The following MYO3A variants were observed in gnomAD, a reference collection of about 807,000 sequenced individuals.
MYO3A encodes the protein myosin IIIA, also known as myosin-IIIa.
MYO3A carries 180 observed loss-of-function variants against 192.7 expected under a neutral mutation model. The observed-to-expected ratio is 0.93, with a 90% CI of 0.83 to 1.06. MYO3A has a LOEUF of 1.06. Ranked by LOEUF, MYO3A falls within the 50% of genes least tolerant of loss-of-function variation. The pLI is 0.00. For synonymous variants in MYO3A, 628 were observed against 645.3 expected (o/e 0.97, Z 0.41); for missense variants, 1,896 against 1,905.0 (o/e 1.00, Z 0.09).
chr10:26,023,876 A>G (rs771712291), intron 8 of MYO3A, 146 bp from the exon 9 acceptor site: 1 of 764,672 alleles, frequency 1.3e-6, no homozygotes, highest in Non-Finnish European at 2.3e-6. Context: ...ATGAGTAATG[A>G]TTTATCTGTC....
chr10:26,091,826 C>T (rs948171504), intron 15 of MYO3A, among the ~76,000 whole-genome samples: 3 of 152,226 alleles, frequency 2.0e-5, no homozygotes, highest in African/African-American at 7.2e-5. Flanking sequence ...TTCTGTCTGA[C>T]TCCCAAGCCC....
At chr10:26,110,292 C>G (rs1458840491) in intron 17 of MYO3A, among the ~76,000 whole-genome samples, 2 of 152,098 alleles carry the variant, frequency 1.3e-5, no homozygotes, top group Non-Finnish European at 2.9e-5. Context: ...GTCTCTAGGT[C>G]AGAAAGGAGA....
chr10:26,192,395 T>C (rs1239078850), intron 31 of MYO3A, among the ~76,000 whole-genome samples: 2 of 152,162 alleles, frequency 1.3e-5, no homozygotes, highest in Non-Finnish European at 2.9e-5. Flanking sequence ...TTTGGGGCCA[T>C]AACATATGAG....
chr10:26,004,886 A>G (rs964841623), intron 6 of MYO3A, among the ~76,000 whole-genome samples: 1 of 152,214 alleles, frequency 6.6e-6, no homozygotes, highest in Non-Finnish European at 1.5e-5. Context: ...TTTTCCTTAC[A>G]GAAGAATGCT....
At chr10:26,088,902 T>G (rs1836507503) in intron 15 of MYO3A, among the ~76,000 whole-genome samples, 1 of 152,228 alleles carries the variant, frequency 6.6e-6, no homozygotes, top group African/African-American at 2.4e-5. Context: ...ATACTCTTCA[T>G]AATGCTTTGA....
intron 6 of MYO3A, among the ~76,000 whole-genome samples, chr10:25,998,133 T>C (rs1840569139): frequency 1.3e-5 from 2 of 152,162 alleles, no homozygotes; most frequent in African/African-American, 4.8e-5. Flanking sequence ...GAAATATAGG[T>C]GGACAGACAG....
At chr10:26,044,478 G>C (rs1843527156) in intron 10 of MYO3A, among the ~76,000 whole-genome samples, 1 of 152,218 alleles carries the variant, frequency 6.6e-6, no homozygotes, top group Admixed American at 6.5e-5. Context: ...GATTCCCCCT[G>C]GCTAGGGCTG....
intron 17 of MYO3A, among the ~76,000 whole-genome samples, chr10:26,105,112 G>T (rs1312236095): frequency 6.6e-6 from 1 of 152,052 alleles, no homozygotes; most frequent in East Asian, 1.9e-4. Flanking sequence ...CAGCCGTTCA[G>T]CCATGACTGG....
chr10:25,972,856 C>T (rs186015700), intron 4 of MYO3A, among the ~76,000 whole-genome samples: 3 of 152,226 alleles, frequency 2.0e-5, no homozygotes, highest in African/African-American at 7.2e-5. Context: ...CTGTTGTTTC[C>T]AGCAGTGTCC....
intron 6 of MYO3A, among the ~76,000 whole-genome samples, chr10:26,006,853 A>C (rs1841251207): frequency 6.6e-6 from 1 of 151,682 alleles, no homozygotes; most frequent in Admixed American, 6.6e-5. Context: ...TGAATAGAAA[A>C]AGAGGGAATC....
chr10:25,993,347 A>G (rs1008649403), intron 4 of MYO3A, among the ~76,000 whole-genome samples: 11 of 152,068 alleles, frequency 7.2e-5, no homozygotes, highest in Admixed American at 3.3e-4. Context: ...TGTGGGATTG[A>G]TGGTGATATC....
chr10:26,042,451 C>T (rs186803607), intron 10 of MYO3A, among the ~76,000 whole-genome samples: 101 of 152,076 alleles, frequency 6.6e-4, no homozygotes, highest in Admixed American at 1.3e-3. Flanking sequence ...TACATTTTTC[C>T]CTTTTGGGGG....
intron 32 of MYO3A, among the ~76,000 whole-genome samples, chr10:26,194,308 T>G (rs1273238927): frequency 6.6e-6 from 1 of 152,154 alleles, no homozygotes; most frequent in Non-Finnish European, 1.5e-5. Context: ...AAGTCCTGAT[T>G]CCTTCCAAGG....
At position 26,038,285 on chromosome 10, in the gene MYO3A, G is replaced by A. The variant is rs141234907; in HGVS notation, c.953+11753G>A. ...GGGATTGCAATTAAATCTGTAGATT[G>A]CTTTGGGTAGTGTGGGTATTTTAAC... is the stretch of plus-strand genomic sequence containing the variant. On this transcript the variant is annotated intron_variant, in intron 10 of 34. Transcript: ENST00000642920. Among the ~76,000 whole-genome samples the A allele has an allele frequency of 3.2e-3, 486 of 152,272 alleles. 1 individual carries two copies. The highest frequency in any genetic ancestry group is 4.6e-3 in the Non-Finnish European group (313 of 68,000).
chr10:26,125,259 A>G (rs550409550), intron 18 of MYO3A, 139 bp from the exon 19 acceptor site: 18 of 806,352 alleles, frequency 2.2e-5, no homozygotes, highest in Non-Finnish European at 3.5e-5. Context: ...CATGTTGGAT[A>G]GTATCATATT....
chr10:25,972,625 C>T (rs75304836), intron 4 of MYO3A, among the ~76,000 whole-genome samples: 6,586 of 152,234 alleles, frequency 0.043, 183 homozygotes, highest in Middle Eastern at 0.068. Flanking sequence ...AGTGACTTGG[C>T]TGGACTATTT....
rs1358018599 is a variant in MYO3A, at chr10:26,154,833, T to C, written c.2793+10T>C. The C allele has an allele frequency of 2.5e-6, 4 of 1,603,776 alleles. No individual in the cohort carries two copies. The highest frequency in any genetic ancestry group is 3.4e-6 in the Non-Finnish European group (4 of 1,172,458). ...TGCATCATATTTTAGAGTAAGATAT[T>C]AAACTATGATGTATTGTGCTTAGGG... On this transcript the variant is annotated intron_variant, in intron 25 of 34. Transcript: ENST00000642920.
chr10:26,057,465 A>G (rs550605043), intron 10 of MYO3A, among the ~76,000 whole-genome samples: 2 of 152,312 alleles, frequency 1.3e-5, no homozygotes, highest in Non-Finnish European at 2.9e-5. Flanking sequence ...ATATACTACC[A>G]TTTTGAGATA....
At chr10:25,960,922 T>C (rs1837890972) in intron 4 of MYO3A, among the ~76,000 whole-genome samples, 1 of 152,184 alleles carries the variant, frequency 6.6e-6, no homozygotes, top group African/African-American at 2.4e-5. Flanking sequence ...CAAAATCACA[T>C]ATAAAAGCAA....
Sources: gnomAD v4.1 joint callset for allele counts (sites outside exome capture counted in the v4.1 genomes callset) on GRCh38, gnomAD v4.1.1 for gene constraint, MANE v1.5 for transcripts, NCBI Gene and HGNC (gene_info 2026-07-23, HGNC 2026-07-21) for gene names.